Variants in NPAS2 observed in about 807,000 individuals in gnomAD.
The protein encoded by NPAS2 is neuronal PAS domain protein 2, also known as neuronal PAS domain-containing protein 2.
NPAS2 carries 23 observed loss-of-function variants against 107.5 expected under a neutral mutation model. That is an observed-to-expected ratio of 0.21 (90% confidence interval 0.15 to 0.30). The LOEUF is 0.30. Among genes scored for constraint, NPAS2 ranks in the 10% least tolerant of loss-of-function variants. NPAS2 has a pLI of 1.00. For missense variants in NPAS2, 756 were observed against 1,043.3 expected (o/e 0.72, Z 3.79); for synonymous variants, 403 against 417.5 (o/e 0.97, Z 0.42).
At chr2:100,858,246 T>C (rs1678709171) in intron 1 of NPAS2, among the ~76,000 whole-genome samples, 1 of 152,172 alleles carries the variant, frequency 6.6e-6, no homozygotes, top group African/African-American at 2.4e-5. Context: ...ATGCTATCCA[T>C]ATTTTAAAAC....
intron 1 of NPAS2, among the ~76,000 whole-genome samples, chr2:100,854,158 C>CAA (rs70943046): frequency 0.081 from 4,720 of 58,600 alleles, 6 homozygotes; most frequent in African/African-American, 0.093. Flanking sequence ...CCTGCCTCAA[C>CAA]AAAAAAAAAA....
At chr2:100,975,690 G>C (rs1388567486) in intron 14 of NPAS2, 123 bp downstream of exon 14, 5 of 633,050 alleles carry the variant, frequency 7.9e-6, no homozygotes, top group Non-Finnish European at 1.3e-5. Context: ...AGAGTGTAGG[G>C]TGGCAGATGG....
chr2:100,957,563 G>A (rs2105106664), intron 7 of NPAS2, among the ~76,000 whole-genome samples: 1 of 152,376 alleles, frequency 6.6e-6, no homozygotes, highest in East Asian at 1.9e-4. Flanking sequence ...AACCCCAGGT[G>A]CCCAAGTCCT....
intron 1 of NPAS2, among the ~76,000 whole-genome samples, chr2:100,893,192 A>G (rs1681189967): frequency 6.6e-6 from 1 of 152,230 alleles, no homozygotes; most frequent in Non-Finnish European, 1.5e-5. Context: ...ATTCCTTAAC[A>G]TAATGAGGAA....
intron 3 of NPAS2, among the ~76,000 whole-genome samples, chr2:100,926,071 C>T (rs149342670): frequency 1.3e-5 from 2 of 152,244 alleles, no homozygotes; most frequent in Admixed American, 6.5e-5. Flanking sequence ...GCTTCTTTCA[C>T]GTAGCATCTG....
intron 5 of NPAS2, among the ~76,000 whole-genome samples, chr2:100,945,317 T>A (rs1674820919): frequency 6.6e-6 from 1 of 152,082 alleles, no homozygotes; most frequent in Admixed American, 6.6e-5. Flanking sequence ...TCTGCCTGCT[T>A]CCCAACGTGT....
In NPAS2 at chr2:100,973,227, C is replaced by T. The variant is rs182920721; in HGVS notation, c.1141-1576C>T. The stretch of plus-strand genomic sequence containing the variant: ...AATCTTGGGCACTGGGTTAAGAAAT[C>T]CCTTTAAAGTAAAAGCTCCCAAACT... On this transcript the variant is annotated intron_variant, in intron 12 of 20. Coordinates refer to ENST00000335681, the MANE Select transcript of NPAS2 (RefSeq NM_002518.4). 1.2e-4 allele frequency among the ~76,000 whole-genome samples: 18 copies of T among 152,160 alleles called. 1 individual carries two copies. In the East Asian group the frequency reaches 2.7e-3, roughly 23 times the overall value.
chr2:100,933,053 A>G (rs775720767), intron 4 of NPAS2, 52 bp downstream of exon 4: 2 of 1,364,358 alleles, frequency 1.5e-6, no homozygotes, highest in South Asian at 1.2e-5. Context: ...AAATGTAGCT[A>G]CTTGTTGCAG....
chr2:100,871,021 T>C (rs1298767400), intron 1 of NPAS2, among the ~76,000 whole-genome samples: 1 of 152,216 alleles, frequency 6.6e-6, no homozygotes, highest in African/African-American at 2.4e-5. Context: ...TTCTGCCAGC[T>C]AGCCTGGGTG....
intron 4 of NPAS2, chr2:100,934,993 A>T: frequency 1.0e-6 from 1 of 984,954 alleles, no homozygotes; most frequent in Non-Finnish European, 1.2e-6. Context: ...TCCAGATGTG[A>T]CTCCCGTCTT....
chr2:100,975,787 A>G, intron 14 of NPAS2: 2 of 446,302 alleles, frequency 4.5e-6, no homozygotes, highest in Non-Finnish European at 7.9e-6. Flanking sequence ...ATTAGAATAC[A>G]AAATCCAAGT....
At chr2:100,838,730 T>A (rs941835057) in intron 1 of NPAS2, among the ~76,000 whole-genome samples, 1 of 152,188 alleles carries the variant, frequency 6.6e-6, no homozygotes, top group Non-Finnish European at 1.5e-5. Context: ...GCCTGCCTTC[T>A]CAAAGGGGTG....
At chr2:100,908,981 A>C (rs527714160) in intron 2 of NPAS2, among the ~76,000 whole-genome samples, 1 of 152,336 alleles carries the variant, frequency 6.6e-6, no homozygotes, top group African/African-American at 2.4e-5. Flanking sequence ...AGTGGTTCAG[A>C]TGAGAGGGAA....
In NPAS2 at chr2:100,964,145, C is replaced by T. The variant is rs1676076943; in HGVS notation, c.686C>T (p.Thr229Ile). ...GGAAAGGAGGTTTGCTTCATTGCCA[C>T]CGTTCGTCTGGCAACACCACAATTC... ...PLGKEVCFIA[T>I]VRLATPQFLK... is the part of the protein sequence containing the mutation. Residue 229 changes from threonine to isoleucine, a missense_variant, in exon 8 of 21, where the codon ACC becomes ATC. By Grantham distance (89) the Thr-to-Ile change is moderately conservative (BLOSUM62 -1). Transcript: ENST00000335681. The T allele has an allele frequency of 5.0e-6, 8 of 1,613,580 alleles. No homozygotes were observed. The highest frequency in any genetic ancestry group is 6.8e-6 in the Non-Finnish European group (8 of 1,179,472).
chr2:100,955,899 TTTTG>T (rs1019495755), intron 7 of NPAS2, among the ~76,000 whole-genome samples: 7 of 151,998 alleles, frequency 4.6e-5, no homozygotes, highest in East Asian at 1.9e-4. Context: ...ATTTTCAGTT[TTTTG>T]TTTGTTTGTT....
Position 100,971,074 on chromosome 2 carries a change from G to A in NPAS2, c.1140G>A (p.Lys380=). The A allele has an allele frequency of 6.2e-7, 1 of 1,613,946 alleles. No homozygotes were observed. Among genetic ancestry groups the A allele is most frequent in the Non-Finnish European group, 8.5e-7 (1 of 1,179,882 alleles). The change falls in exon 12 of 21, where the codon AAG becomes AAA. Residue 380 remains lysine (K), a splice_region_variant and synonymous_variant. Transcript: ENST00000335681. ...PSEALHSSAL[K]DKGSSLEPRQ... The stretch of plus-strand genomic sequence containing the variant: ...AGGCCCTCCACTCCTCAGCACTAAA[G>A]GTACGCCCATCCCTGCCAGATGGAT...
At chr2:100,875,658 G>A (rs1679918144) in intron 1 of NPAS2, among the ~76,000 whole-genome samples, 1 of 152,204 alleles carries the variant, frequency 6.6e-6, no homozygotes, top group Admixed American at 6.5e-5. Flanking sequence ...CCTTAGCTTT[G>A]TAGACCGAAG....
chr2:100,918,706 C>T (rs1170445456), intron 2 of NPAS2, among the ~76,000 whole-genome samples: 1 of 152,180 alleles, frequency 6.6e-6, no homozygotes, highest in Non-Finnish European at 1.5e-5. Flanking sequence ...TGTACCACCG[C>T]AACTTTCTTA....
At chr2:100,987,766 TC>T (rs1677861186) in intron 16 of NPAS2, 2 of 341,226 alleles carry the variant, frequency 5.9e-6, no homozygotes, top group African/African-American at 4.1e-5. Flanking sequence ...CAACCTCGAC[TC>T]TAAACAAGTA....
Sources: gnomAD v4.1 joint callset for allele counts (sites outside exome capture counted in the v4.1 genomes callset) on GRCh38, gnomAD v4.1.1 for gene constraint, MANE v1.5 for transcripts, NCBI Gene and HGNC (gene_info 2026-07-23, HGNC 2026-07-21) for gene names.